Variants in CHTF8 observed in about 807,000 individuals in gnomAD.
The protein encoded by CHTF8 is chromosome transmission fidelity protein 8 homolog.
In CHTF8, 6 loss-of-function variants were observed where a neutral mutation model predicts 11.0. The ratio of observed to expected loss-of-function variants is 0.55; its 90% CI spans 0.30 to 1.08. The LOEUF (loss-of-function observed/expected upper bound fraction) is 1.08, where lower values mean the gene tolerates loss of function less well. CHTF8 is among the 50% of genes least tolerant of loss of function. The probability of loss-of-function intolerance (pLI) is 0.07; values close to 1 mark genes in which losing one functional copy is unlikely to be tolerated. For synonymous variants in CHTF8, 53 were observed against 60.5 expected (o/e 0.88, Z 0.57); for missense variants, 140 against 153.1 (o/e 0.91, Z 0.45).
At position 69,118,765 on chromosome 16, in the gene CHTF8, A is replaced by G. The variant is rs1028647527; in HGVS notation, c.*1660T>C. On this transcript the variant is annotated 3_prime_UTR_variant, in exon 4 of 4. Transcript: ENST00000448552. ...GCCCAAGCTATGTTCTTCAGACTGT[A>G]GCTCCACAACTACCCTTTTACCTAA... 3.1e-6 allele frequency: 2 copies of G among 639,492 alleles called. No individual in the cohort carries two copies. The highest frequency in any genetic ancestry group is 1.8e-5 in the African/African-American group (1 of 55,042). The allele number at this position is 639,492 out of a possible 1,614,324, so 39.6% of individuals were successfully genotyped here. A position where few individuals can be genotyped will look rare whatever the true frequency, so the allele number is the denominator to read the frequency against.
At chr16:69,131,616 C>T (rs1268380010) in intron 1 of CHTF8, among the ~76,000 whole-genome samples, 2 of 145,170 alleles carry the variant, frequency 1.4e-5, no homozygotes, top group Non-Finnish European at 3.0e-5. Context: ...CTCTTCTCCA[C>T]CCCCCTCCAA....
Position 69,120,679 on chromosome 16 carries a change from G to C in CHTF8, c.142-30C>G, listed in dbSNP as rs1302544103. The C allele has an allele frequency of 1.4e-5, 22 of 1,586,254 alleles. No individual in the cohort carries two copies. Among genetic ancestry groups the C allele is most frequent in the Non-Finnish European group, 1.6e-5 (18 of 1,159,102 alleles). On this transcript the variant is annotated intron_variant, in intron 3 of 3. Transcript: ENST00000448552. This position sits in a 1 kb window ranked among gnomAD's most constrained non-coding sequence, Gnocchi z 4.0. ...GGCAGAACAAGAACGAGATTCCTGA[G>C]GTTCCGGGGCAAGGCCATAACACTC...
intron 1 of CHTF8, among the ~76,000 whole-genome samples, chr16:69,131,614 C>T (rs1258722027): frequency 6.9e-6 from 1 of 145,950 alleles, no homozygotes; most frequent in Non-Finnish European, 1.5e-5. Flanking sequence ...CCCTCTTCTC[C>T]ACCCCCCTCC....
intron 1 of CHTF8, among the ~76,000 whole-genome samples, chr16:69,130,697 C>T (rs775219141): frequency 1.3e-5 from 2 of 152,208 alleles, no homozygotes; most frequent in Non-Finnish European, 2.9e-5. Context: ...GGTAAGCCTT[C>T]AGGGTCAAGC....
intron 1 of CHTF8, among the ~76,000 whole-genome samples, chr16:69,128,195 GAACCACAGCGCCCGGCT>G (rs1449456136): frequency 6.6e-6 from 1 of 152,226 alleles, no homozygotes; most frequent in African/African-American, 2.4e-5. Flanking sequence ...TTACAGGCGT[GAACCACAGCGCCCGGCT>G]AACTATCTCT....
At chr16:69,127,553 T>C (rs1962158176) in intron 1 of CHTF8, among the ~76,000 whole-genome samples, 1 of 150,662 alleles carries the variant, frequency 6.6e-6, no homozygotes, top group Non-Finnish European at 1.5e-5. Flanking sequence ...ACGCTATACA[T>C]GAAGTCAAGA....
rs1050623765 is a variant in CHTF8 at position 69,119,281 on chromosome 16, G to A, written c.*1144C>T. On this transcript the variant is annotated 3_prime_UTR_variant, in exon 4 of 4. Transcript: ENST00000448552. The stretch of plus-strand genomic sequence containing the variant: ...GAGGCCAGCGGACCTTTGGAAGGTA[G>A]CTGGGTTTGATGCCAATGTGCCAGA... 2.3e-5 allele frequency: 16 copies of A among 703,000 alleles called. No homozygotes were observed. Among genetic ancestry groups the A allele is most frequent in the Non-Finnish European group, 1.8e-5 (7 of 385,038 alleles). The allele number at this position is 703,000 out of a possible 1,614,324, so 43.5% of individuals were successfully genotyped here. A position where few individuals can be genotyped will look rare whatever the true frequency, so the allele number is the denominator to read the frequency against.
At chr16:69,123,039 T>C (rs552999175) in intron 1 of CHTF8, among the ~76,000 whole-genome samples, 96 of 152,204 alleles carry the variant, frequency 6.3e-4, no homozygotes, top group Admixed American at 1.1e-3. Context: ...GATTATAGGC[T>C]TGAGCCACTG....
chr16:69,127,611 T>TC, intron 1 of CHTF8, among the ~76,000 whole-genome samples: 1 of 146,638 alleles, frequency 6.8e-6, no homozygotes, highest in East Asian at 2.0e-4. Flanking sequence ...CTTTTTTTTT[T>TC]TTTTTTTTTT....
At chr16:69,129,565 T>C (rs1467776311) in intron 1 of CHTF8, among the ~76,000 whole-genome samples, 2 of 152,286 alleles carry the variant, frequency 1.3e-5, no homozygotes, top group Non-Finnish European at 2.9e-5. Flanking sequence ...TGACACCCTA[T>C]GCTTTTAGCA....
intron 1 of CHTF8, among the ~76,000 whole-genome samples, chr16:69,130,528 C>A (rs1000769290): frequency 6.6e-6 from 1 of 152,122 alleles, no homozygotes; most frequent in African/African-American, 2.4e-5. Flanking sequence ...GTCATACAGA[C>A]CTGGATTCTG....
intron 1 of CHTF8, among the ~76,000 whole-genome samples, chr16:69,130,849 T>C (rs1180808514): frequency 6.6e-6 from 1 of 152,126 alleles, no homozygotes; most frequent in Non-Finnish European, 1.5e-5. Context: ...TAAAATCAAG[T>C]TTTCATAACA....
At chr16:69,127,594 C>T (rs1335912214) in intron 1 of CHTF8, among the ~76,000 whole-genome samples, 1 of 150,474 alleles carries the variant, frequency 6.6e-6, no homozygotes, top group African/African-American at 2.4e-5. Flanking sequence ...AAGAGCTCTC[C>T]CGGCAACTTT....
At chr16:69,125,371 A>G (rs1204990994) in intron 1 of CHTF8, among the ~76,000 whole-genome samples, 1 of 152,244 alleles carries the variant, frequency 6.6e-6, no homozygotes, top group Non-Finnish European at 1.5e-5. Flanking sequence ...CTACTGAGGC[A>G]CACACAGATG....
Position 69,119,655 on chromosome 16 carries a change from G to A in CHTF8, c.*770C>T, listed in dbSNP as rs867734188. The A allele has an allele frequency of 3.1e-5, 21 of 676,198 alleles. No individual in the cohort carries two copies. The highest frequency in any genetic ancestry group is 2.4e-4 in the Middle Eastern group (1 of 4,220). 41.9% of individuals were successfully genotyped at this position (676,198 alleles called of 1,614,324 possible). On this transcript the variant is annotated 3_prime_UTR_variant, in exon 4 of 4. Coordinates refer to ENST00000448552, the MANE Select transcript of CHTF8 (RefSeq NM_001039690.5). The stretch of plus-strand genomic sequence containing the variant: ...TTCTTAAGTTAAGACCAGATCCTGT[G>A]CCCAAGAGGCCACCTGCTCTGGCAT...
intron 1 of CHTF8, among the ~76,000 whole-genome samples, chr16:69,128,296 C>A (rs991585147): frequency 6.6e-6 from 1 of 152,162 alleles, no homozygotes; most frequent in Non-Finnish European, 1.5e-5. Context: ...TCTAGGTTGA[C>A]AAGGTTAACT....
At chr16:69,125,284 T>C (rs548467601) in intron 1 of CHTF8, among the ~76,000 whole-genome samples, 4 of 152,306 alleles carry the variant, frequency 2.6e-5, no homozygotes, top group African/African-American at 9.6e-5. Flanking sequence ...TTACTGTGCA[T>C]ATATATTGGT....
At chr16:69,128,335 T>C (rs919051365) in intron 1 of CHTF8, among the ~76,000 whole-genome samples, 3 of 152,328 alleles carry the variant, frequency 2.0e-5, no homozygotes, top group Middle Eastern at 3.4e-3. Flanking sequence ...TTCTGTGATG[T>C]AGCTTTTCAA....
At chr16:69,127,600 A>AT (rs1962163962) in intron 1 of CHTF8, among the ~76,000 whole-genome samples, 2 of 143,556 alleles carry the variant, frequency 1.4e-5, no homozygotes, top group Admixed American at 1.4e-4. Context: ...TCTCCCGGCA[A>AT]CTTTTTTTTT....
Sources: allele counts gnomAD v4.1 joint callset (sites outside exome capture counted in the v4.1 genomes callset), GRCh38; gene constraint gnomAD v4.1.1; non-coding constraint Gnocchi (gnomAD v3.1); transcripts MANE v1.5; gene names NCBI Gene and HGNC (gene_info 2026-07-23, HGNC 2026-07-21).